Variants in TET2 observed in about 807,000 individuals in gnomAD.
The protein encoded by TET2 is tet methylcytosine dioxygenase 2.
A neutral mutation model predicts 142.9 loss-of-function variants in TET2; 299 were observed. The observed-to-expected ratio is 2.09, with a 90% CI of 1.90 to 2.30. The LOEUF is 2.30. Among genes scored for constraint, TET2 ranks in the 30% most tolerant of loss-of-function variants. TET2 has a pLI of 0.00. For missense variants in TET2, 2,418 were observed against 2,378.0 expected (o/e 1.02, Z -0.35); for synonymous variants, 819 against 849.0 (o/e 0.96, Z 0.61).
chr4:105,225,194 G>GTGTGTGTGTGTC (rs1165465422), intron 2 of TET2, among the ~76,000 whole-genome samples: 2 of 151,768 alleles, frequency 1.3e-5, no homozygotes, highest in Non-Finnish European at 2.9e-5. Context: ...TCGTGTGTGT[G>GTGTGTGTGTGTC]TGTGTGTGTG....
intron 2 of TET2, among the ~76,000 whole-genome samples, chr4:105,226,902 A>G (rs959512948): frequency 6.6e-6 from 1 of 152,218 alleles, no homozygotes; most frequent in African/African-American, 2.4e-5. Flanking sequence ...TAGTCATTCC[A>G]GAAGCAAGAT....
chr4:105,256,150 T>C (rs1730119166), intron 6 of TET2, among the ~76,000 whole-genome samples: 1 of 152,122 alleles, frequency 6.6e-6, no homozygotes, highest in African/African-American at 2.4e-5. Flanking sequence ...ATGAGAAAAA[T>C]AGTTACAAAA....
chr4:105,161,611 T>A (rs565775975), intron 1 of TET2, among the ~76,000 whole-genome samples: 38 of 152,346 alleles, frequency 2.5e-4, no homozygotes, highest in Middle Eastern at 3.4e-3. Context: ...TCTCGGACCT[T>A]TGTTTCACAG....
intron 2 of TET2, 29 bp from the exon 3 acceptor site, chr4:105,233,868 A>T: frequency 1.6e-6 from 2 of 1,219,086 alleles, no homozygotes; most frequent in Non-Finnish European, 2.3e-6. Context: ...AAATAAACAC[A>T]TTTTAATTTT....
At chr4:105,199,617 T>C (rs1726321389) in intron 2 of TET2, among the ~76,000 whole-genome samples, 1 of 152,230 alleles carries the variant, frequency 6.6e-6, no homozygotes, top group African/African-American at 2.4e-5. Flanking sequence ...TGGGAGTTTG[T>C]TGTACAGGTT....
rs550297694 is a variant in TET2, at chr4:105,271,809, A to T, written c.4183-755A>T. 2.6e-5 allele frequency among the ~76,000 whole-genome samples: 4 copies of T among 152,326 alleles called. No homozygotes were observed. The East Asian group carries it at 7.7e-4, about 29-fold the overall frequency. The stretch of plus-strand genomic sequence containing the variant: ...AATTGTAGTAACTAAAGCAAAAAGT[A>T]CCATTTAATTATCAAAGCAACAGAG... On this transcript the variant is annotated intron_variant, in intron 9 of 10. Transcript: ENST00000380013.
intron 3 of TET2, chr4:105,240,582 A>G: frequency 9.3e-7 from 1 of 1,079,526 alleles, no homozygotes; most frequent in Middle Eastern, 4.2e-4. Context: ...GAGGACTCCT[A>G]CTGTCCCTCT....
chr4:105,185,547 G>A (rs1477304304), intron 1 of TET2, among the ~76,000 whole-genome samples: 3 of 152,132 alleles, frequency 2.0e-5, no homozygotes, highest in African/African-American at 4.8e-5. Context: ...TTCGGAGGCC[G>A]AGGTATGCGG....
intron 6 of TET2, among the ~76,000 whole-genome samples, chr4:105,251,391 A>G (rs1245442308): frequency 6.6e-6 from 1 of 152,214 alleles, no homozygotes; most frequent in African/African-American, 2.4e-5. Flanking sequence ...GACTGTGTCA[A>G]GTTCAGAAGT....
chr4:105,203,699 A>G (rs1186648529), intron 2 of TET2, among the ~76,000 whole-genome samples: 3 of 152,204 alleles, frequency 2.0e-5, no homozygotes, highest in African/African-American at 7.2e-5. Context: ...ACATAGCACA[A>G]TGCTGCCATA....
At chr4:105,254,112 G>GTAT (rs1254918486) in intron 6 of TET2, among the ~76,000 whole-genome samples, 2 of 152,100 alleles carry the variant, frequency 1.3e-5, no homozygotes, top group African/African-American at 4.8e-5. Context: ...TTTGGTGTTG[G>GTAT]TATTAAGGTA....
Position 105,235,426 on chromosome 4 carries a change from C to G in TET2, c.1484C>G (p.Thr495Arg). 6 of 1,614,200 alleles carry G rather than the reference C, an allele frequency of 3.7e-6. No homozygotes were observed. The highest frequency in any genetic ancestry group is 5.1e-6 in the Non-Finnish European group (6 of 1,180,022). Residue 495 changes from threonine to arginine, a missense_variant, in exon 3 of 11, where the codon ACA becomes AGA. Transcript: ENST00000380013. ...VNRNDIQTAG[T>R]MTVPLCSEKT... ...AGGAATGACATACAGACTGCAGGGA[C>G]AATGACTGTTCCATTGTGTTCTGAG...
chr4:105,257,102 A>G (rs1730175098), intron 6 of TET2, among the ~76,000 whole-genome samples: 1 of 152,106 alleles, frequency 6.6e-6, no homozygotes. Flanking sequence ...TAGGGGCCAT[A>G]CTTTGTTTCT....
At chr4:105,249,703 T>G (rs922544103) in intron 6 of TET2, among the ~76,000 whole-genome samples, 2 of 152,236 alleles carry the variant, frequency 1.3e-5, no homozygotes, top group African/African-American at 2.4e-5. Context: ...TTGGGCATCT[T>G]TTCACGTGTG....
At chr4:105,158,341 T>G (rs575074342) in intron 1 of TET2, among the ~76,000 whole-genome samples, 1 of 152,336 alleles carries the variant, frequency 6.6e-6, no homozygotes, top group South Asian at 2.1e-4. Context: ...TTATTGACAT[T>G]GTAATTTTTC....
Position 105,269,584 on chromosome 4 carries a change from C to T in TET2, c.4045-26C>T, listed in dbSNP as rs565633882. 11 of 1,549,784 alleles carry T rather than the reference C, an allele frequency of 7.1e-6. No homozygotes were observed. The South Asian group carries it at 1.1e-4, about 15-fold the overall frequency. Reference sequence around the variant, plus strand: ...GTAAGAGTAAAACTAACTACTTTCGCATTCACACACACTTTTATTTTTCAG... The same window carrying T: ...GTAAGAGTAAAACTAACTACTTTCGTATTCACACACACTTTTATTTTTCAG... On this transcript the variant is annotated intron_variant, in intron 8 of 10. Coordinates refer to ENST00000380013, the MANE Select transcript of TET2 (RefSeq NM_001127208.3).
intron 1 of TET2, among the ~76,000 whole-genome samples, chr4:105,183,006 T>C (rs1725210128): frequency 6.6e-6 from 1 of 152,232 alleles, no homozygotes; most frequent in Non-Finnish European, 1.5e-5. Context: ...GTAGGGTTCA[T>C]GTATACCTAA....
rs150745958 is a variant in TET2, at chr4:105,165,617, C to A, written c.-193+18638C>A. ...TCATGTATATCTATTGAATTTCCCA[C>A]AACAATTATCACGCAAGCAAATGAA... On this transcript the variant is annotated intron_variant, in intron 1 of 10. Coordinates refer to ENST00000380013, the MANE Select transcript of TET2 (RefSeq NM_001127208.3). Among the ~76,000 whole-genome samples, 1,159 of 152,274 alleles carry A rather than the reference C, an allele frequency of 7.6e-3. 6 individuals are homozygous for A. Among genetic ancestry groups the A allele is most frequent in the Non-Finnish European group, 0.012 (827 of 68,010 alleles).
chr4:105,189,009 A>G (rs1293438673), intron 1 of TET2, among the ~76,000 whole-genome samples: 2 of 152,024 alleles, frequency 1.3e-5, no homozygotes, highest in African/African-American at 4.8e-5. Flanking sequence ...CTTTACAAGG[A>G]TGTATTTTAT....
Sources: gnomAD v4.1 joint callset for allele counts (sites outside exome capture counted in the v4.1 genomes callset) on GRCh38, gnomAD v4.1.1 for gene constraint, MANE v1.5 for transcripts, NCBI Gene and HGNC (gene_info 2026-07-23, HGNC 2026-07-21) for gene names.